OPRL1: variants seen among roughly 807,000 people sequenced by gnomAD.
OPRL1 encodes the protein opioid related nociceptin receptor 1.
OPRL1 carries 5 observed loss-of-function variants against 15.5 expected under a neutral mutation model. The observed-to-expected ratio is 0.32, with a 90% CI of 0.17 to 0.68. The LOEUF is 0.68. Among genes scored for constraint, OPRL1 ranks in the 30% least tolerant of loss-of-function variants. The pLI is 0.72. For missense variants in OPRL1, 406 were observed against 515.3 expected (o/e 0.79, Z 2.05); for synonymous variants, 223 against 230.2 (o/e 0.97, Z 0.28).
In OPRL1 at chr20:64,098,837, A is replaced by G. The variant is rs1979524900; in HGVS notation, c.*38A>G. 6.4e-7 allele frequency: 1 copy of G among 1,556,974 alleles called. No individual in the cohort carries two copies. The highest frequency in any genetic ancestry group is 8.6e-7 in the Non-Finnish European group (1 of 1,157,558). ...CTGCCCATGGTGCCTGTCAGCCCGCAGAGCCCATCTACGCCCAACACAGAG... is the reference window on the plus strand; with the variant it reads ...CTGCCCATGGTGCCTGTCAGCCCGCGGAGCCCATCTACGCCCAACACAGAG... On this transcript the variant is annotated 3_prime_UTR_variant, in exon 5 of 5. Coordinates refer to ENST00000336866, the MANE Select transcript of OPRL1 (RefSeq NM_182647.4).
chr20:64,088,699 C>G (rs77165309), intron 1 of OPRL1, among the ~76,000 whole-genome samples: 2,536 of 15,932 alleles, frequency 0.16, 30 homozygotes, highest in South Asian at 0.24. Flanking sequence ...TGCAGGGAGG[C>G]CAGGGTCTGT....
At position 64,084,201 on chromosome 20, in the gene OPRL1, C is replaced by G. The variant is rs577122207; in HGVS notation, c.-185+3849C>G. The G allele has an allele frequency of 6.9e-5, 99 of 1,424,978 alleles. No individual in the cohort carries two copies. In the African/African-American group the frequency reaches 1.3e-3, roughly 18 times the overall value. The allele number at this position is 1,424,978 out of a possible 1,614,324, so 88.3% of individuals were successfully genotyped here. A position where few individuals can be genotyped will look rare whatever the true frequency, so the allele number is the denominator to read the frequency against. ...TCCCGCGGGCCCTTGCGCCCGCCCT[C>G]CTTCGCTGGCGGCGGCATCCTCCCG... is the stretch of plus-strand genomic sequence containing the variant. On this transcript the variant is annotated intron_variant, in intron 1 of 4. Transcript: ENST00000336866.
chr20:64,098,153 T>G lies in OPRL1; in HGVS notation c.585T>G (p.Asp195Glu). The G allele has an allele frequency of 6.2e-7, 1 of 1,612,604 alleles. No individual in the cohort carries two copies. Among genetic ancestry groups the G allele is most frequent in the Non-Finnish European group, 8.5e-7 (1 of 1,179,534 alleles). The change falls in exon 4 of 5, where the codon GAT becomes GAG. Residue 195 changes from aspartate (D) to glutamate (E), a missense_variant. Physicochemically the swap from Asp to Glu is conservative, Grantham distance 45 (BLOSUM62 2). Coordinates refer to ENST00000336866, the MANE Select transcript of OPRL1 (RefSeq NM_182647.4). Reference protein sequence around the residue: ...VAIMGSAQVEDEEIECLVEIP... With the variant: ...VAIMGSAQVEEEEIECLVEIP... Reference sequence around the variant, plus strand: ...TCATGGGCTCGGCACAGGTCGAGGATGAAGGTCAGTGGGGTGTCCCCTCCT... The same window carrying G: ...TCATGGGCTCGGCACAGGTCGAGGAGGAAGGTCAGTGGGGTGTCCCCTCCT...
chr20:64,087,151 C>G (rs1331868714), intron 1 of OPRL1, among the ~76,000 whole-genome samples: 8 of 148,726 alleles, frequency 5.4e-5, no homozygotes, highest in Non-Finnish European at 1.0e-4. Context: ...TGGGCTATCC[C>G]TAGTATCCTC....
At chr20:64,088,901 G>T (rs1569272101) in intron 1 of OPRL1, among the ~76,000 whole-genome samples, 3 of 151,010 alleles carry the variant, frequency 2.0e-5, no homozygotes, top group African/African-American at 4.9e-5. Flanking sequence ...GAGTGGCCAG[G>T]GTCTGTGCAG....
intron 3 of OPRL1, among the ~76,000 whole-genome samples, chr20:64,096,080 G>A (rs1020624778): frequency 2.6e-5 from 4 of 152,146 alleles, no homozygotes; most frequent in South Asian, 4.1e-4. Flanking sequence ...GCTGGCGGGC[G>A]TGTCACGGCT....
intron 1 of OPRL1, among the ~76,000 whole-genome samples, chr20:64,088,624 A>G (rs1045374208): frequency 2.3e-5 from 3 of 129,584 alleles, no homozygotes; most frequent in Admixed American, 7.5e-5. Context: ...AGTGGCCAGG[A>G]TCTGTGCAGA....
chr20:64,091,596 G>A (rs560830822), intron 1 of OPRL1, among the ~76,000 whole-genome samples: 6 of 151,928 alleles, frequency 3.9e-5, no homozygotes, highest in East Asian at 1.9e-4. Flanking sequence ...GGGGCATTTC[G>A]GTGTGCCGGG....
chr20:64,092,679 C>G lies in OPRL1; in HGVS notation c.-33-9C>G, dbSNP rs756382405. ...CACTGCAGCCACTTGTCTCTGCGCT[C>G]TGTCCCAGGTACCGTACAGAGTGGA... On this transcript the variant is annotated splice_polypyrimidine_tract_variant and intron_variant, in intron 2 of 4. Coordinates refer to ENST00000336866, the MANE Select transcript of OPRL1 (RefSeq NM_182647.4). 5.7e-6 allele frequency: 9 copies of G among 1,578,608 alleles called. No individual in the cohort carries two copies. The East Asian group carries it at 2.0e-4, about 36-fold the overall frequency.
At chr20:64,084,134 T>C in intron 1 of OPRL1, 3 of 1,467,714 alleles carry the variant, frequency 2.0e-6, no homozygotes, top group Non-Finnish European at 2.7e-6. Flanking sequence ...CTTGGCACGC[T>C]CCTCACCCTG....
At position 64,084,023 on chromosome 20, in the gene OPRL1, C is replaced by G. The variant is rs767016519; in HGVS notation, c.-185+3671C>G. On this transcript the variant is annotated intron_variant, in intron 1 of 4. Coordinates refer to ENST00000336866, the MANE Select transcript of OPRL1 (RefSeq NM_182647.4). ...CGCGCCCACGTCCTCCAGCAGGTCG[C>G]CGAAGAGCAGATGGCGGTGGCGCTG... is the stretch of plus-strand genomic sequence containing the variant. The G allele has an allele frequency of 2.1e-5, 31 of 1,503,700 alleles. No individual in the cohort carries two copies. The South Asian group carries it at 3.4e-4, about 16-fold the overall frequency. The allele number at this position is 1,503,700 out of a possible 1,614,324, so 93.1% of individuals were successfully genotyped here. A position where few individuals can be genotyped will look rare whatever the true frequency, so the allele number is the denominator to read the frequency against.
Position 64,098,478 on chromosome 20 carries a change from G to A in OPRL1, c.792G>A (p.Leu264=). Residue 264 remains leucine, a synonymous_variant, in exon 5 of 5, where the codon CTG becomes CTA. Transcript: ENST00000336866. ...KDRNLRRITR[L]VLVVVAVFVG... The stretch of plus-strand genomic sequence containing the variant: ...GGAACCTGCGGCGCATCACTCGGCT[G>A]GTGCTGGTGGTAGTGGCTGTGTTCG... The A allele has an allele frequency of 6.2e-7, 1 of 1,613,264 alleles. No homozygotes were observed. The highest frequency in any genetic ancestry group is 1.6e-4 in the Middle Eastern group (1 of 6,062).
At chr20:64,081,056 G>A (rs891986640) in intron 1 of OPRL1, among the ~76,000 whole-genome samples, 2 of 152,010 alleles carry the variant, frequency 1.3e-5, no homozygotes, top group African/African-American at 4.8e-5. Flanking sequence ...AGTGAGTTGT[G>A]GGGAGCAGGC....
chr20:64,097,989 C>G lies in OPRL1; in HGVS notation c.421C>G (p.Leu141Val). Reference sequence around the variant, plus strand: ...CAACATGTTCACCAGCACCTTCACCCTAACTGCCATGAGTGTGGATCGCTA... The same window carrying G: ...CAACATGTTCACCAGCACCTTCACCGTAACTGCCATGAGTGTGGATCGCTA... ...YYNMFTSTFT[L>V]TAMSVDRYVA... The change falls in exon 4 of 5, where the codon CTA becomes GTA. Residue 141 changes from leucine to valine, a missense_variant. Coordinates refer to ENST00000336866, the MANE Select transcript of OPRL1 (RefSeq NM_182647.4). This position sits in a 1 kb window ranked among gnomAD's most constrained non-coding sequence, Gnocchi z 4.2. 6.2e-7 allele frequency: 1 copy of G among 1,613,736 alleles called. No homozygotes were observed. Among genetic ancestry groups the G allele is most frequent in the South Asian group, 1.1e-5 (1 of 91,090 alleles).
intron 3 of OPRL1, among the ~76,000 whole-genome samples, chr20:64,096,201 C>T (rs1979091789): frequency 6.6e-6 from 1 of 152,136 alleles, no homozygotes; most frequent in East Asian, 1.9e-4. Context: ...CTCAGAGGCA[C>T]TTCCTGGATT....
intron 1 of OPRL1, among the ~76,000 whole-genome samples, chr20:64,087,870 TA>T (rs1026651272): frequency 2.2e-4 from 33 of 152,176 alleles, no homozygotes; most frequent in African/African-American, 7.9e-4. Flanking sequence ...AGGACTCTAT[TA>T]GGGGTCTAGA....
rs952133372 is a variant in OPRL1, at chr20:64,097,525, T to C, written c.234-277T>C. ...CCTACATGCCCTGACTCCTCTAAAGTAGACCTGTGTTTAAGGCTTGGAATC... is the reference window on the plus strand; with the variant it reads ...CCTACATGCCCTGACTCCTCTAAAGCAGACCTGTGTTTAAGGCTTGGAATC... On this transcript the variant is annotated intron_variant, in intron 3 of 4. Transcript: ENST00000336866. This position sits in a 1 kb window ranked among gnomAD's most constrained non-coding sequence, Gnocchi z 4.2. Among the ~76,000 whole-genome samples, 10 of 152,158 alleles carry C rather than the reference T, an allele frequency of 6.6e-5. No homozygotes were observed. The highest frequency in any genetic ancestry group is 2.4e-4 in the African/African-American group (10 of 41,420).
chr20:64,098,822 T>C lies in OPRL1; in HGVS notation c.*23T>C, dbSNP rs1464805669. The C allele has an allele frequency of 6.4e-7, 1 of 1,568,034 alleles. No individual in the cohort carries two copies. Among genetic ancestry groups the C allele is most frequent in the Admixed American group, 1.7e-5 (1 of 58,022 alleles). On this transcript the variant is annotated 3_prime_UTR_variant, in exon 5 of 5. Coordinates refer to ENST00000336866, the MANE Select transcript of OPRL1 (RefSeq NM_182647.4). Reference sequence around the variant, plus strand: ...TGACTAGGCGTGGACCTGCCCATGGTGCCTGTCAGCCCGCAGAGCCCATCT... The same window carrying C: ...TGACTAGGCGTGGACCTGCCCATGGCGCCTGTCAGCCCGCAGAGCCCATCT...
chr20:64,097,700 G>A lies in OPRL1; in HGVS notation c.234-102G>A, dbSNP rs1979341281. On this transcript the variant is annotated intron_variant, in intron 3 of 4. Transcript: ENST00000336866. The surrounding 1 kb of genome is among the most constrained non-coding windows in gnomAD (Gnocchi z 4.2). ...GGAACTCTGATGTTAAGGGACTCAG[G>A]GCCACTGTAGCTTGTGGTGGCCAAG... 5.2e-5 allele frequency: 52 copies of A among 1,008,906 alleles called. 1 individual carries two copies. The South Asian group carries it at 7.5e-4, about 15-fold the overall frequency. 62.5% of individuals were successfully genotyped at this position (1,008,906 alleles called of 1,614,324 possible). A position where few individuals can be genotyped will look rare whatever the true frequency, so the allele number is the denominator to read the frequency against.
Sources: gnomAD v4.1 joint callset for allele counts (sites outside exome capture counted in the v4.1 genomes callset) on GRCh38, gnomAD v4.1.1 for gene constraint, Gnocchi (gnomAD v3.1) non-coding constraint, MANE v1.5 for transcripts, NCBI Gene and HGNC (gene_info 2026-07-23, HGNC 2026-07-21) for gene names.